CPM: variants seen among roughly 807,000 people sequenced by gnomAD.
CPM encodes the protein carboxypeptidase M, also known as renal carboxypeptidase.
A neutral mutation model predicts 46.4 loss-of-function variants in CPM; 35 were observed. That is an observed-to-expected ratio of 0.75 (90% confidence interval 0.58 to 1.00). CPM has a LOEUF of 1.00. Among genes scored for constraint, CPM ranks in the 50% least tolerant of loss-of-function variants. CPM has a pLI of 0.00. For missense variants in CPM, 422 were observed against 530.4 expected (o/e 0.80, Z 2.01); for synonymous variants, 195 against 195.3 (o/e 1.00, Z 0.01).
intron 1 of CPM, among the ~76,000 whole-genome samples, chr12:68,944,260 A>G (rs546498947): frequency 2.6e-5 from 4 of 152,344 alleles, no homozygotes; most frequent in South Asian, 2.1e-4. Context: ...CCATGGTGTA[A>G]AAGAGAAACA....
chr12:68,877,890 C>T (rs1209338088), intron 3 of CPM, among the ~76,000 whole-genome samples: 2 of 152,194 alleles, frequency 1.3e-5, no homozygotes, highest in Admixed American at 1.3e-4. Flanking sequence ...TTAAAATACC[C>T]CCTAAGTAAA....
Position 68,882,024 on chromosome 12 carries a change from C to CTTTT in CPM, c.258+3764_258+3767dup, listed in dbSNP as rs60522842. Reference sequence around the variant, plus strand: ...GGCGTGAGCCACCACGCCCGGCCTGCTTTTTTTTTTTTTTTTTTTTTTAAC... The same window carrying CTTTT: ...GGCGTGAGCCACCACGCCCGGCCTGCTTTTTTTTTTTTTTTTTTTTTTTTTTAAC... On this transcript the variant is annotated intron_variant, in intron 3 of 8. Transcript: ENST00000551568. Among the ~76,000 whole-genome samples the CTTTT allele has an allele frequency of 4.0e-4, 50 of 124,764 alleles. 1 individual carries two copies. The highest frequency in any genetic ancestry group is 8.1e-3 in the Middle Eastern group (2 of 248). The allele number at this position is 124,764 out of a possible 152,430, so 81.9% of individuals were successfully genotyped here. A position where few individuals can be genotyped will look rare whatever the true frequency, so the allele number is the denominator to read the frequency against.
intron 2 of CPM, among the ~76,000 whole-genome samples, chr12:68,910,275 G>T (rs1362438500): frequency 2.6e-5 from 4 of 152,088 alleles, no homozygotes; most frequent in African/African-American, 9.7e-5. Flanking sequence ...AAAAAATGAG[G>T]TATCTCTATA....
chr12:68,892,586 G>A (rs369026610), intron 2 of CPM, among the ~76,000 whole-genome samples: 17 of 152,142 alleles, frequency 1.1e-4, no homozygotes, highest in East Asian at 1.9e-4. Flanking sequence ...TAGGCCGGGC[G>A]TGGTGGCTCA....
intron 2 of CPM, among the ~76,000 whole-genome samples, chr12:68,916,522 T>C (rs564355827): frequency 6.6e-5 from 10 of 152,180 alleles, no homozygotes; most frequent in Non-Finnish European, 1.5e-4. Flanking sequence ...GGCGCTCTGG[T>C]TTATTTACCC....
At chr12:68,844,964 C>G (rs1424918311) in intron 5 of CPM, 1 of 193,584 alleles carries the variant, frequency 5.2e-6, no homozygotes, top group Non-Finnish European at 1.1e-5. Context: ...GATGAAGTTT[C>G]ACTATGTTGG....
At chr12:68,904,780 G>A (rs1246532568) in intron 2 of CPM, among the ~76,000 whole-genome samples, 1 of 152,180 alleles carries the variant, frequency 6.6e-6, no homozygotes, top group Non-Finnish European at 1.5e-5. Flanking sequence ...TGGGTGGAAG[G>A]GGAAGAAGAG....
chr12:68,927,191 G>T (rs1888304693), intron 2 of CPM, among the ~76,000 whole-genome samples: 1 of 151,326 alleles, frequency 6.6e-6, no homozygotes, highest in African/African-American at 2.4e-5. Flanking sequence ...CAGTGTAAAA[G>T]TGTTCCTATT....
At chr12:68,893,518 G>GT (rs1886743160) in intron 2 of CPM, among the ~76,000 whole-genome samples, 1 of 152,192 alleles carries the variant, frequency 6.6e-6, no homozygotes, top group Admixed American at 6.5e-5. Context: ...AGGTGTCCCA[G>GT]GGGTCTTGTG....
At chr12:68,843,344 T>C (rs1883972297) in intron 5 of CPM, 1 of 231,072 alleles carries the variant, frequency 4.3e-6, no homozygotes, top group South Asian at 1.8e-4. Flanking sequence ...ATGTATTGAA[T>C]GTTCTTGCTA....
intron 1 of CPM, among the ~76,000 whole-genome samples, chr12:68,951,384 G>A (rs1178248579): frequency 1.3e-5 from 2 of 152,174 alleles, no homozygotes; most frequent in African/African-American, 4.8e-5. Context: ...GTTAACTAGA[G>A]TGTGGTAAGT....
At position 68,938,992 on chromosome 12, in the gene CPM, T is replaced by C. The variant is rs1023006229; in HGVS notation, c.-3-6152A>G. Among the ~76,000 whole-genome samples, 3 of 147,914 alleles carry C rather than the reference T, an allele frequency of 2.0e-5. No homozygotes were observed. The Admixed American group carries it at 2.0e-4, about 10-fold the overall frequency. The stretch of plus-strand genomic sequence containing the variant: ...CATATATGTAAGTATATAGATATTA[T>C]ATAAATATATCTGTAAGTATATATA... On this transcript the variant is annotated intron_variant, in intron 1 of 8. Transcript: ENST00000546373.
intron 1 of CPM, among the ~76,000 whole-genome samples, chr12:68,940,055 AAATT>A (rs1165399782): frequency 5.3e-5 from 8 of 151,694 alleles, no homozygotes; most frequent in African/African-American, 7.2e-5. Context: ...CTTAAATTAT[AAATT>A]AATTTATATT....
At chr12:68,937,371 G>T (rs939141279), upstream of CPM, among the ~76,000 whole-genome samples, 6 of 152,148 alleles carry the variant, frequency 3.9e-5, no homozygotes, top group African/African-American at 1.4e-4. Context: ...AGACATTTTT[G>T]ATTGTCATAA....
At chr12:68,927,438 G>C (rs1179889567) in intron 2 of CPM, among the ~76,000 whole-genome samples, 2 of 152,034 alleles carry the variant, frequency 1.3e-5, no homozygotes, top group Non-Finnish European at 2.9e-5. Context: ...AAATTTGTTT[G>C]AGTTCATTGT....
At position 68,852,877 on chromosome 12, in the gene CPM, C is replaced by CAT. The variant is rs1884785764; in HGVS notation, c.*3559_*3560insAT. Reference sequence around the variant, plus strand: ...GTGCCTGACTGCTGCTTTCTAAATACCATTTCACTCCCACATTTTTCTCCC... The same window carrying CAT: ...GTGCCTGACTGCTGCTTTCTAAATACATCATTTCACTCCCACATTTTTCTCCC... On this transcript the variant is annotated 3_prime_UTR_variant, in exon 9 of 9. Coordinates refer to ENST00000551568, the MANE Select transcript of CPM (RefSeq NM_198320.5). The CAT allele has an allele frequency of 6.6e-6, 1 of 152,076 alleles. No homozygotes were observed. Among genetic ancestry groups the CAT allele is most frequent in the African/African-American group, 2.4e-5 (1 of 41,398 alleles). 9.4% of individuals were successfully genotyped at this position (152,076 alleles called of 1,614,324 possible). A position where few individuals can be genotyped will look rare whatever the true frequency, so the allele number is the denominator to read the frequency against.
chr12:68,888,399 T>C (rs972565806), intron 2 of CPM, among the ~76,000 whole-genome samples: 4 of 152,190 alleles, frequency 2.6e-5, no homozygotes, highest in African/African-American at 9.7e-5. Flanking sequence ...AAGATAAGAA[T>C]CTTACCTTGA....
At chr12:68,936,315 C>T (rs1463700906), upstream of CPM, among the ~76,000 whole-genome samples, 3 of 152,092 alleles carry the variant, frequency 2.0e-5, no homozygotes, top group Non-Finnish European at 4.4e-5. Flanking sequence ...TGAAAGATAA[C>T]AGCAAAATAA....
At position 68,859,024 on chromosome 12, in the gene CPM, C is replaced by A; in HGVS notation, c.988G>T (p.Val330Leu). Residue 330 changes from valine (V) to leucine (L), a missense_variant, in exon 8 of 9, where the codon GTA (valine) becomes TTA (leucine). Transcript: ENST00000551568. ...FDQNGNPLPN[V>L]IVEVQDRKHI... ...TTTCTGTCTTGGACTTCCACAATTA[C>A]ATTGGGTAATGGATTTCCATTCTGA... 6.4e-7 allele frequency: 1 copy of A among 1,567,844 alleles called. No homozygotes were observed. The highest frequency in any genetic ancestry group is 1.2e-5 in the South Asian group (1 of 81,818).
Sources: allele counts gnomAD v4.1 joint callset (sites outside exome capture counted in the v4.1 genomes callset), GRCh38; gene constraint gnomAD v4.1.1; transcripts MANE v1.5; gene names NCBI Gene and HGNC (gene_info 2026-07-23, HGNC 2026-07-21).